SPATA13: variants seen among roughly 807,000 people sequenced by gnomAD.
SPATA13 encodes spermatogenesis-associated protein 13.
SPATA13 carries 50 observed loss-of-function variants against 104.0 expected under a neutral mutation model. That is an observed-to-expected ratio of 0.48 (90% CI 0.38 to 0.61). The LOEUF is 0.61. SPATA13 is among the 20% of genes least tolerant of loss of function. The pLI is 0.00. For synonymous variants in SPATA13, 606 were observed against 667.5 expected, an observed-to-expected ratio of 0.91 and a Z score of 1.42; for missense variants, 1,524 against 1,690.6, an observed-to-expected ratio of 0.90 and a Z score of 1.73.
chr13:24,200,730 T>G (rs1216504015), intron 1 of SPATA13, among the ~76,000 whole-genome samples: 1 of 151,374 alleles, frequency 6.6e-6, no homozygotes, highest in East Asian at 1.9e-4. Context: ...TAGTTTCTCT[T>G]GTGCCCGAGA....
intron 3 of SPATA13, among the ~76,000 whole-genome samples, chr13:24,031,720 C>T (rs534898043): frequency 2.8e-4 from 43 of 152,270 alleles, no homozygotes; most frequent in African/African-American, 9.4e-4. Context: ...AATCTTGGAC[C>T]TTCTCTCTCC....
chr13:24,297,212 A>G, intron 10 of SPATA13, 151 bp from the exon 11 acceptor site: 1 of 920,220 alleles, frequency 1.1e-6, no homozygotes, highest in Non-Finnish European at 1.6e-6. Context: ...CTAATTTTTA[A>G]AATTTTATGT....
At chr13:24,236,137 G>A (rs1372595945) in intron 2 of SPATA13, among the ~76,000 whole-genome samples, 1 of 152,182 alleles carries the variant, frequency 6.6e-6, no homozygotes, top group Non-Finnish European at 1.5e-5. Flanking sequence ...TCTGCTTTGG[G>A]ATGTGGCTTG....
chr13:24,233,799 T>C (rs1430038057), intron 2 of SPATA13, among the ~76,000 whole-genome samples: 1 of 151,882 alleles, frequency 6.6e-6, no homozygotes, highest in African/African-American at 2.4e-5. Context: ...CTAGCCAGAG[T>C]GAGGACCCCC....
chr13:24,225,608 T>C (rs1871889453), intron 2 of SPATA13, among the ~76,000 whole-genome samples: 1 of 152,172 alleles, frequency 6.6e-6, no homozygotes, highest in Admixed American at 6.5e-5. Context: ...ACTGCCCCAC[T>C]CCAGCATGCA....
intron 1 of SPATA13, among the ~76,000 whole-genome samples, chr13:24,170,391 T>C (rs945367482): frequency 6.6e-6 from 1 of 152,236 alleles, no homozygotes; most frequent in African/African-American, 2.4e-5. Context: ...TGTCCTACCA[T>C]AGGAGTCTAG....
intron 3 of SPATA13, among the ~76,000 whole-genome samples, chr13:24,127,303 A>C (rs1159690482): frequency 2.0e-5 from 3 of 152,188 alleles, no homozygotes; most frequent in Admixed American, 6.5e-5. Context: ...CCTTGCAGGT[A>C]CTGTGTGACC....
intron 4 of SPATA13, among the ~76,000 whole-genome samples, chr13:24,262,309 CTT>C (rs71186821): frequency 8.0e-5 from 11 of 138,296 alleles, no homozygotes; most frequent in African/African-American, 2.4e-4. Context: ...AGTTTTTTTT[CTT>C]TTTTTTTTTT....
intron 3 of SPATA13, among the ~76,000 whole-genome samples, chr13:24,046,786 T>C (rs1431458858): frequency 6.6e-6 from 1 of 152,116 alleles, no homozygotes; most frequent in Non-Finnish European, 1.5e-5. Flanking sequence ...TTCTATTGGA[T>C]ATATACCTAG....
intron 2 of SPATA13, among the ~76,000 whole-genome samples, chr13:24,245,938 A>G (rs1426549721): frequency 6.6e-6 from 1 of 152,078 alleles, no homozygotes; most frequent in Non-Finnish European, 1.5e-5. Flanking sequence ...GGCATGATGT[A>G]TTAAAAGAAT....
In SPATA13 at chr13:24,303,127, C is replaced by G. The variant is rs921340447; in HGVS notation, c.*354C>G. ...CAAGTGCCTGCTGCAGGTCCAAACACAGCATCCAGGGCTTTGCAGTTCCTA... is the reference window on the plus strand; with the variant it reads ...CAAGTGCCTGCTGCAGGTCCAAACAGAGCATCCAGGGCTTTGCAGTTCCTA... On this transcript the variant is annotated 3_prime_UTR_variant, in exon 13 of 13. Coordinates refer to ENST00000382108, the MANE Select transcript of SPATA13 (RefSeq NM_001166271.3). 2 of 381,014 alleles carry G rather than the reference C, an allele frequency of 5.2e-6. No individual in the cohort carries two copies. The highest frequency in any genetic ancestry group is 7.3e-5 in the Admixed American group (2 of 27,306). 23.6% of individuals were successfully genotyped at this position (381,014 alleles called of 1,614,324 possible).
At chr13:24,004,532 G>C (rs1876130295) in intron 2 of SPATA13, among the ~76,000 whole-genome samples, 1 of 152,150 alleles carries the variant, frequency 6.6e-6, no homozygotes, top group Non-Finnish European at 1.5e-5. Flanking sequence ...ACGGGACTCA[G>C]GGAGGGTAGG....
chr13:24,243,310 T>C (rs1215858923), intron 2 of SPATA13, among the ~76,000 whole-genome samples: 2 of 152,218 alleles, frequency 1.3e-5, no homozygotes, highest in African/African-American at 2.4e-5. Context: ...TGTGAACATA[T>C]GATTCTGGGG....
chr13:24,259,847 C>T (rs1012271467), intron 4 of SPATA13, among the ~76,000 whole-genome samples: 3 of 152,184 alleles, frequency 2.0e-5, no homozygotes, highest in Non-Finnish European at 4.4e-5. Context: ...GACAGAGTCT[C>T]ACTCTGTTGC....
intron 3 of SPATA13, among the ~76,000 whole-genome samples, chr13:24,151,092 A>C (rs942453462): frequency 6.6e-6 from 1 of 152,228 alleles, no homozygotes. Context: ...ACAGATGATA[A>C]CATTGAGATT....
At chr13:24,070,116 T>A (rs1309692711) in intron 3 of SPATA13, among the ~76,000 whole-genome samples, 2 of 152,210 alleles carry the variant, frequency 1.3e-5, no homozygotes, top group Non-Finnish European at 2.9e-5. Flanking sequence ...GACTGCTTGC[T>A]TGGAGTACAG....
intron 3 of SPATA13, among the ~76,000 whole-genome samples, chr13:24,126,416 A>T (rs1432032985): frequency 6.6e-6 from 1 of 152,134 alleles, no homozygotes; most frequent in Non-Finnish European, 1.5e-5. Flanking sequence ...TCCTCAGTAG[A>T]TGTTGGACTT....
chr13:24,015,807 C>T (rs1876684922), intron 2 of SPATA13, among the ~76,000 whole-genome samples: 2 of 25,998 alleles, frequency 7.7e-5, no homozygotes, highest in South Asian at 1.2e-3. Flanking sequence ...AGGTGAGCCT[C>T]GGCTGGTGAC....
intron 3 of SPATA13, among the ~76,000 whole-genome samples, chr13:24,094,931 A>G (rs1880023705): frequency 6.6e-6 from 1 of 152,224 alleles, no homozygotes; most frequent in African/African-American, 2.4e-5. Flanking sequence ...GATGTGGGAA[A>G]TTGGAACCCT....
Sources: allele counts gnomAD v4.1 joint callset (sites outside exome capture counted in the v4.1 genomes callset), GRCh38; gene constraint gnomAD v4.1.1; transcripts MANE v1.5; gene names NCBI Gene and HGNC (gene_info 2026-07-23, HGNC 2026-07-21).